Variants in TUFT1 observed in about 807,000 individuals in gnomAD.
TUFT1 encodes tuftelin.
A neutral mutation model predicts 57.8 loss-of-function variants in TUFT1; 43 were observed. The ratio of observed to expected loss-of-function variants is 0.74; its 90% CI spans 0.58 to 0.96. The LOEUF is 0.96. Among genes scored for constraint, TUFT1 ranks in the 40% least tolerant of loss-of-function variants. TUFT1 has a pLI of 0.00. For missense variants in TUFT1, 459 were observed against 489.0 expected (o/e 0.94, Z 0.58); for synonymous variants, 166 against 176.7 (o/e 0.94, Z 0.48).
rs561692492 is a variant in TUFT1, at chr1:151,569,865, G to C, written c.594+95G>C. The C allele has an allele frequency of 5.9e-6, 6 of 1,013,610 alleles. No homozygotes were observed. In the African/African-American group the frequency reaches 9.5e-5, roughly 16 times the overall value. The allele number at this position is 1,013,610 out of a possible 1,614,324, so 62.8% of individuals were successfully genotyped here. On this transcript the variant is annotated intron_variant, in intron 7 of 12. Transcript: ENST00000368849. ...TCAGCTTGGACTTCCTGTCTTTCTG[G>C]CTGAGTGCCACAAACTGGAAAGGCA...
chr1:151,543,053 GT>G (rs1247770605), intron 1 of TUFT1, among the ~76,000 whole-genome samples: 1 of 152,200 alleles, frequency 6.6e-6, no homozygotes, highest in Non-Finnish European at 1.5e-5. Flanking sequence ...GACTCTGTTG[GT>G]GTTTCCCCAC....
At chr1:151,570,640 C>T (rs570567468) in intron 7 of TUFT1, among the ~76,000 whole-genome samples, 83 of 152,146 alleles carry the variant, frequency 5.5e-4, no homozygotes, top group African/African-American at 2.0e-3. Context: ...AGTAAAAGCC[C>T]CCTACTATAT....
Position 151,560,668 on chromosome 1 carries a change from C to T in TUFT1, c.61-1423C>T, listed in dbSNP as rs145652249. On this transcript the variant is annotated intron_variant, in intron 1 of 12. Coordinates refer to ENST00000368849, the MANE Select transcript of TUFT1 (RefSeq NM_020127.3). ...ACTTTCATTCTTGGATAGCCCAGCACCTATTTCTCTTCATTGTCTGGGAGA... is the reference window on the plus strand; with the variant it reads ...ACTTTCATTCTTGGATAGCCCAGCATCTATTTCTCTTCATTGTCTGGGAGA... Among the ~76,000 whole-genome samples the T allele has an allele frequency of 8.3e-4, 127 of 152,268 alleles. 1 individual carries two copies. The highest frequency in any genetic ancestry group is 2.8e-3 in the African/African-American group (115 of 41,552).
At chr1:151,578,658 C>A in intron 9 of TUFT1, 63 bp from the exon 10 acceptor site, 1 of 1,418,412 alleles carries the variant, frequency 7.1e-7, no homozygotes, top group South Asian at 1.2e-5. Flanking sequence ...CAAGGCTCTT[C>A]CTGTGACTGG....
At chr1:151,579,782 G>A (rs775968818) in intron 11 of TUFT1, 50 bp downstream of exon 11, 1 of 1,566,448 alleles carries the variant, frequency 6.4e-7, no homozygotes, top group Non-Finnish European at 8.7e-7. Flanking sequence ...TGAAGAGAAG[G>A]TGGACATAAG....
intron 1 of TUFT1, among the ~76,000 whole-genome samples, chr1:151,550,874 G>A (rs1343805363): frequency 6.6e-6 from 1 of 152,140 alleles, no homozygotes; most frequent in Non-Finnish European, 1.5e-5. Context: ...CTGCAGTGAG[G>A]CATGATCATG....
chr1:151,579,866 T>A (rs1666589025), intron 11 of TUFT1, 134 bp downstream of exon 11: 1 of 863,884 alleles, frequency 1.2e-6, no homozygotes, highest in East Asian at 2.7e-5. Context: ...GGGTGGTTGG[T>A]TGACTTTCAG....
In TUFT1 at chr1:151,575,819, T is replaced by C. The variant is rs115353949; in HGVS notation, c.818+814T>C. Among the ~76,000 whole-genome samples, 473 of 152,332 alleles carry C rather than the reference T, an allele frequency of 3.1e-3. 4 individuals carry two copies. The highest frequency in any genetic ancestry group is 0.011 in the African/African-American group (463 of 41,578). ...GGAATTCCAAGATGAACAGACACAATTCTTGCCCTTCAGGGCCCCTCAGTC... is the reference window on the plus strand; with the variant it reads ...GGAATTCCAAGATGAACAGACACAACTCTTGCCCTTCAGGGCCCCTCAGTC... On this transcript the variant is annotated intron_variant, in intron 9 of 12. Coordinates refer to ENST00000368849, the MANE Select transcript of TUFT1 (RefSeq NM_020127.3).
At chr1:151,546,228 A>C (rs993189935) in intron 1 of TUFT1, among the ~76,000 whole-genome samples, 7 of 152,052 alleles carry the variant, frequency 4.6e-5, no homozygotes, top group African/African-American at 1.7e-4. Context: ...TTACTGTGGA[A>C]TAGGTGACAT....
chr1:151,575,902 A>C (rs1190581550), intron 9 of TUFT1, among the ~76,000 whole-genome samples: 2 of 152,134 alleles, frequency 1.3e-5, no homozygotes, highest in Admixed American at 1.3e-4. Flanking sequence ...GGCATGGAAA[A>C]TACACGTGTC....
At chr1:151,581,064 G>C (rs746709637) in intron 12 of TUFT1, 22 bp downstream of exon 12, 1 of 1,607,354 alleles carries the variant, frequency 6.2e-7, no homozygotes, top group South Asian at 1.1e-5. Flanking sequence ...TGTGTAGATA[G>C]AATGGGGCCA....
At chr1:151,580,825 TG>T (rs1666624678) in intron 11 of TUFT1, 116 bp from the exon 12 acceptor site, 3 of 844,266 alleles carry the variant, frequency 3.6e-6, no homozygotes, top group Non-Finnish European at 5.8e-6. Context: ...GCACGCATGG[TG>T]GGGGTAGAGG....
chr1:151,562,065 AT>A (rs1558007904), intron 1 of TUFT1, 25 bp from the exon 2 acceptor site: 1 of 1,610,632 alleles, frequency 6.2e-7, no homozygotes. Context: ...TTGAGGGGTT[AT>A]TGTTGCTGTC....
rs1442467109 is a variant in TUFT1 at position 151,579,739 on chromosome 1, G to T, written c.1008+7G>T. ...CGCCTATCTGGAGGCAGAGGTGTGT[G>T]TGCTGGGCAGCCCAGCAGGGGAACA... On this transcript the variant is annotated splice_region_variant and intron_variant, in intron 11 of 12. Coordinates refer to ENST00000368849, the MANE Select transcript of TUFT1 (RefSeq NM_020127.3). 6.2e-7 allele frequency: 1 copy of T among 1,612,902 alleles called. No individual in the cohort carries two copies. The highest frequency in any genetic ancestry group is 2.2e-5 in the East Asian group (1 of 44,852).
At chr1:151,569,584 T>C in intron 6 of TUFT1, 73 bp from the exon 7 acceptor site, 2 of 1,258,668 alleles carry the variant, frequency 1.6e-6, no homozygotes, top group Non-Finnish European at 2.3e-6. Context: ...AGTGTGTGCC[T>C]GGGAGGGGGG....
chr1:151,570,462 A>G (rs186170747), intron 7 of TUFT1, among the ~76,000 whole-genome samples: 27 of 152,056 alleles, frequency 1.8e-4, no homozygotes, highest in South Asian at 2.1e-4. Flanking sequence ...TTGTGTTTTT[A>G]GAAGAGACGG....
intron 3 of TUFT1, among the ~76,000 whole-genome samples, chr1:151,563,677 C>G (rs998183101): frequency 2.0e-5 from 3 of 152,126 alleles, no homozygotes; most frequent in South Asian, 2.1e-4. Context: ...GCCAATACAG[C>G]TATATAGCAT....
intron 9 of TUFT1, 79 bp downstream of exon 9, chr1:151,575,084 G>A: frequency 7.7e-7 from 1 of 1,291,560 alleles, no homozygotes; most frequent in Non-Finnish European, 1.1e-6. Flanking sequence ...TTGCTCCTGT[G>A]GTGGCCTGGT....
In TUFT1 at chr1:151,583,435, A is replaced by G. The variant is rs1666703887; in HGVS notation, c.*1728A>G. 1 of 152,200 alleles carries G rather than the reference A, an allele frequency of 6.6e-6. No individual in the cohort carries two copies. The highest frequency in any genetic ancestry group is 2.4e-5 in the African/African-American group (1 of 41,442). The allele number at this position is 152,200 out of a possible 1,614,324, so 9.4% of individuals were successfully genotyped here. A position where few individuals can be genotyped will look rare whatever the true frequency, so the allele number is the denominator to read the frequency against. ...TCACATTCTGGCTTTGTCCATAACA[A>G]TGCTCTGGGATTTCAGGGAGTTCCC... On this transcript the variant is annotated 3_prime_UTR_variant, in exon 13 of 13. Coordinates refer to ENST00000368849, the MANE Select transcript of TUFT1 (RefSeq NM_020127.3).
Sources: allele counts gnomAD v4.1 joint callset (sites outside exome capture counted in the v4.1 genomes callset), GRCh38; gene constraint gnomAD v4.1.1; transcripts MANE v1.5; gene names NCBI Gene and HGNC (gene_info 2026-07-23, HGNC 2026-07-21).